The following VPS13B variants were observed in gnomAD, a reference collection of about 807,000 sequenced individuals.
VPS13B encodes intermembrane lipid transfer protein VPS13B.
Under a neutral mutation model 426.4 loss-of-function variants are expected in VPS13B, and 285 were observed. The ratio of observed to expected loss-of-function variants is 0.67; its 90% confidence interval spans 0.61 to 0.74. The LOEUF (loss-of-function observed/expected upper bound fraction) is 0.74. VPS13B is among the 30% of genes least tolerant of loss of function. The pLI, the probability that VPS13B is intolerant of heterozygous loss-of-function variation, is 0.00. For missense variants in VPS13B, 4,537 were observed against 4,782.6 expected, an observed-to-expected ratio of 0.95 and a Z score of 1.51; for synonymous variants, 1,676 against 1,676.4, an observed-to-expected ratio of 1.00 and a Z score of 0.01.
In VPS13B at chr8:99,481,638, G is replaced by A. The variant is rs769743278; in HGVS notation, c.3706G>A (p.Val1236Ile). Residue 1236 changes from valine to isoleucine, a missense_variant, in exon 25 of 62, where the codon GTC (valine) becomes ATC (isoleucine). Physicochemically the swap from Val to Ile is conservative, Grantham distance 29 (BLOSUM62 3). Transcript: ENST00000357162. The stretch of plus-strand genomic sequence containing the variant: ...TGAACTAACTGATATCATGAATAAG[G>A]TCTGGAACAAGATTCAGAAGAGAGG... ...FYELTDIMNK[V>I]WNKIQKRGNL... 3.0e-5 allele frequency: 49 copies of A among 1,613,728 alleles called. No individual in the cohort carries two copies. Among genetic ancestry groups the A allele is most frequent in the Non-Finnish European group, 4.2e-5 (49 of 1,179,858 alleles).
rs570535056 is a variant in VPS13B, at chr8:99,572,128, G to C, written c.4950-3530G>C. ...AGGGCATATTTAAAAGGAATATTAA[G>C]TTAATAGCTTGAAGGGAAATTTGAG... On this transcript the variant is annotated intron_variant, in intron 31 of 61. Transcript: ENST00000357162. 4.4e-4 allele frequency among the ~76,000 whole-genome samples: 67 copies of C among 152,276 alleles called. 1 individual carries two copies. The highest frequency in any genetic ancestry group is 1.3e-3 in the African/African-American group (56 of 41,556).
chr8:99,223,411 G>C (rs970486947), intron 17 of VPS13B, among the ~76,000 whole-genome samples: 1 of 152,040 alleles, frequency 6.6e-6, no homozygotes, highest in Non-Finnish European at 1.5e-5. Flanking sequence ...GCTATCTATT[G>C]TGTCATTTAG....
intron 3 of VPS13B, among the ~76,000 whole-genome samples, chr8:99,050,097 G>A (rs1032242944): frequency 4.0e-5 from 6 of 151,252 alleles, no homozygotes; most frequent in Non-Finnish European, 5.9e-5. Context: ...GGTTAGTTAC[G>A]TATGTATACA....
At position 99,853,505 on chromosome 8, in the gene VPS13B, A is replaced by G. The variant is rs371573594; in HGVS notation, c.10116A>G (p.Ala3372=). ...TGTTCATCACTCAGTTAAGCCTGGC[A>G]GTGTTTGATGACCTCACCCACCACA... ...FKMFITQLSL[A]VFDDLTHHKA... Residue 3372 remains alanine (A), a synonymous_variant, in exon 56 of 62, where the codon GCA becomes GCG. Coordinates refer to ENST00000357162, the MANE Select transcript of VPS13B (RefSeq NM_152564.5). The G allele has an allele frequency of 2.0e-5, 33 of 1,614,114 alleles. No homozygotes were observed. The East Asian group carries it at 6.7e-4, about 33-fold the overall frequency.
chr8:99,126,225 T>C (rs1466555434), intron 8 of VPS13B, among the ~76,000 whole-genome samples: 1 of 152,180 alleles, frequency 6.6e-6, no homozygotes, highest in Non-Finnish European at 1.5e-5. Context: ...TGGATTATTT[T>C]TTTCTTTAAA....
chr8:99,548,372 A>C (rs1312730509), intron 30 of VPS13B, among the ~76,000 whole-genome samples: 1 of 152,052 alleles, frequency 6.6e-6, no homozygotes, highest in East Asian at 1.9e-4. Flanking sequence ...TCTTTGAAAA[A>C]ATAAATTATT....
Position 99,876,094 on chromosome 8 carries a change from C to CTAT in VPS13B, c.*434_*436dup, listed in dbSNP as rs10542428. 144 of 212,706 alleles carry CTAT rather than the reference C, an allele frequency of 6.8e-4. No individual in the cohort carries two copies. The highest frequency in any genetic ancestry group is 5.8e-4 in the Admixed American group (11 of 19,018). The allele number at this position is 212,706 out of a possible 1,614,324, so 13.2% of individuals were successfully genotyped here. On this transcript the variant is annotated 3_prime_UTR_variant, in exon 62 of 62. Coordinates refer to ENST00000357162, the MANE Select transcript of VPS13B (RefSeq NM_152564.5). Reference sequence around the variant, plus strand: ...AATCTCTACTGTAATTAATTTGGGTCTATTATTAACTCTCTGTTCCATCAT... The same window carrying CTAT: ...AATCTCTACTGTAATTAATTTGGGTCTATTATTATTAACTCTCTGTTCCATCAT...
chr8:99,099,209 C>T (rs1428971736), intron 4 of VPS13B, among the ~76,000 whole-genome samples: 1 of 151,838 alleles, frequency 6.6e-6, no homozygotes, highest in Non-Finnish European at 1.5e-5. Context: ...TTATTCTTGC[C>T]CTTTTAACAA....
intron 47 of VPS13B, 87 bp downstream of exon 47, chr8:99,818,975 A>AGGGGG: frequency 9.0e-5 from 12 of 133,522 alleles, no homozygotes; most frequent in Non-Finnish European, 1.5e-4. Context: ...GCGGCGGGGG[A>AGGGGG]GGGGTGGGTA....
chr8:99,233,413 G>T (rs1487689212), intron 17 of VPS13B: 2 of 1,209,014 alleles, frequency 1.7e-6, no homozygotes, highest in African/African-American at 3.0e-5. Flanking sequence ...GGCGAGTCTT[G>T]CCAGCTGTTT....
intron 43 of VPS13B, among the ~76,000 whole-genome samples, chr8:99,785,432 T>C (rs1369463770): frequency 1.3e-5 from 2 of 152,178 alleles, no homozygotes; most frequent in Non-Finnish European, 2.9e-5. Flanking sequence ...ACTATTGGTA[T>C]ACAATTTGGA....
At chr8:99,552,906 T>A (rs1348946772) in intron 30 of VPS13B, among the ~76,000 whole-genome samples, 1 of 152,080 alleles carries the variant, frequency 6.6e-6, no homozygotes, top group Non-Finnish European at 1.5e-5. Flanking sequence ...CTATGTAATT[T>A]TGTCACATGT....
At chr8:99,032,084 G>T (rs28391254) in intron 2 of VPS13B, among the ~76,000 whole-genome samples, 47,541 of 152,092 alleles carry the variant, frequency 0.31, 9,072 homozygotes, top group South Asian at 0.56. Flanking sequence ...GGGGACTGCT[G>T]AGGATGTCTT....
At chr8:99,506,421 G>A (rs181506798) in intron 27 of VPS13B, among the ~76,000 whole-genome samples, 3 of 152,122 alleles carry the variant, frequency 2.0e-5, no homozygotes, top group Admixed American at 6.5e-5. Context: ...TACGTATTAT[G>A]TTGTACTTTA....
At chr8:99,763,829 AATATGTGCT>A (rs971256324) in intron 39 of VPS13B, among the ~76,000 whole-genome samples, 113 of 152,336 alleles carry the variant, frequency 7.4e-4, no homozygotes, top group African/African-American at 2.6e-3. Flanking sequence ...CACTAACCAG[AATATGTGCT>A]ACTATTTCAT....
At chr8:99,596,754 T>G (rs1588533407) in intron 33 of VPS13B, among the ~76,000 whole-genome samples, 1 of 152,200 alleles carries the variant, frequency 6.6e-6, no homozygotes, top group Middle Eastern at 3.4e-3. Flanking sequence ...TAGTCTTTTT[T>G]CTTTTATTCT....
chr8:99,313,853 A>G (rs1821154630), intron 19 of VPS13B, among the ~76,000 whole-genome samples: 1 of 152,030 alleles, frequency 6.6e-6, no homozygotes, highest in Non-Finnish European at 1.5e-5. Context: ...TTACCTACTC[A>G]TGCCTCAGCA....
At chr8:99,761,434 A>G (rs1810926203) in intron 39 of VPS13B, among the ~76,000 whole-genome samples, 1 of 152,200 alleles carries the variant, frequency 6.6e-6, no homozygotes, top group African/African-American at 2.4e-5. Flanking sequence ...CCCCTAGGCT[A>G]CCTAATGGCT....
chr8:99,142,854 AT>A, intron 12 of VPS13B, 119 bp from the exon 13 acceptor site: 1 of 968,934 alleles, frequency 1.0e-6, no homozygotes. Flanking sequence ...TATGCAGCTG[AT>A]TGGGAATTTG....
Sources: gnomAD v4.1 joint callset for allele counts (sites outside exome capture counted in the v4.1 genomes callset) on GRCh38, gnomAD v4.1.1 for gene constraint, MANE v1.5 for transcripts, NCBI Gene and HGNC (gene_info 2026-07-23, HGNC 2026-07-21) for gene names.